The following GRM3 variants were observed in gnomAD, a reference collection of about 807,000 sequenced individuals.
The protein encoded by GRM3 is glutamate metabotropic receptor 3, also known as metabotropic glutamate receptor 3.
GRM3 carries 26 observed loss-of-function variants against 70.5 expected under a neutral mutation model. That is an observed-to-expected ratio of 0.37 (90% CI 0.27 to 0.51). The LOEUF is 0.51. Ranked by LOEUF, GRM3 falls within the 20% of genes least tolerant of loss-of-function variation. The pLI, the probability that GRM3 is intolerant of heterozygous loss-of-function variation, is 0.93. For synonymous variants in GRM3, 443 were observed against 434.9 expected (o/e 1.02, Z -0.23); for missense variants, 859 against 1,123.8 (o/e 0.76, Z 3.37).
At chr7:86,681,879 G>T (rs1794449919) in intron 1 of GRM3, among the ~76,000 whole-genome samples, 2 of 152,278 alleles carry the variant, frequency 1.3e-5, no homozygotes, top group Admixed American at 1.3e-4. Context: ...GAGAAAAAAA[G>T]TTCTTGTGAT....
At chr7:86,826,045 T>C (rs1323104584) in intron 3 of GRM3, among the ~76,000 whole-genome samples, 1 of 150,704 alleles carries the variant, frequency 6.6e-6, no homozygotes, top group Non-Finnish European at 1.5e-5. Context: ...TAGCCAACTT[T>C]GTTTGGGGAA....
intron 1 of GRM3, among the ~76,000 whole-genome samples, chr7:86,714,804 G>A (rs556651588): frequency 6.6e-6 from 1 of 152,058 alleles, no homozygotes; most frequent in South Asian, 2.1e-4. Flanking sequence ...ATTTATGAGT[G>A]ACAACCTTGT....
chr7:86,831,072 G>A (rs1000011289), intron 3 of GRM3, among the ~76,000 whole-genome samples: 3 of 152,124 alleles, frequency 2.0e-5, no homozygotes, highest in Admixed American at 2.0e-4. Context: ...TTGATTTCAG[G>A]CAGACCATGA....
chr7:86,670,309 T>A (rs1193416993), intron 1 of GRM3, among the ~76,000 whole-genome samples: 1 of 152,226 alleles, frequency 6.6e-6, no homozygotes, highest in Non-Finnish European at 1.5e-5. Flanking sequence ...GTCAGGAATC[T>A]TTCCTACTCA....
chr7:86,776,638 G>T (rs1389036938), intron 2 of GRM3, among the ~76,000 whole-genome samples: 6 of 152,036 alleles, frequency 3.9e-5, no homozygotes, highest in African/African-American at 1.4e-4. Flanking sequence ...TTATTGATAA[G>T]GCCATATTTC....
intron 1 of GRM3, among the ~76,000 whole-genome samples, chr7:86,707,034 T>C (rs946074832): frequency 2.0e-5 from 3 of 152,108 alleles, no homozygotes; most frequent in African/African-American, 7.2e-5. Context: ...CCTAGAATAC[T>C]AAATTAGACC....
At chr7:86,753,023 A>T in intron 1 of GRM3, among the ~76,000 whole-genome samples, 1 of 152,148 alleles carries the variant, frequency 6.6e-6, no homozygotes, top group Non-Finnish European at 1.5e-5. Flanking sequence ...GCACCCATAA[A>T]CACTAAACAA....
chr7:86,787,207 T>C (rs1797274924), intron 3 of GRM3, 91 bp downstream of exon 3: 2 of 1,082,158 alleles, frequency 1.8e-6, no homozygotes, highest in Non-Finnish European at 2.7e-6. Flanking sequence ...CAGAAATAAT[T>C]ATTTCAAAGC....
At chr7:86,781,373 C>T (rs10487052) in intron 2 of GRM3, among the ~76,000 whole-genome samples, 39,002 of 152,008 alleles carry the variant, frequency 0.26, 5,076 homozygotes, top group Middle Eastern at 0.31. Flanking sequence ...CTTAATAATC[C>T]GTCTTTGACT....
chr7:86,771,382 T>A (rs145279083), intron 2 of GRM3, among the ~76,000 whole-genome samples: 27 of 152,246 alleles, frequency 1.8e-4, no homozygotes, highest in African/African-American at 6.3e-4. Context: ...AGTAGTCCAG[T>A]CAATTGTTAT....
chr7:86,836,331 G>A (rs1381427169), intron 3 of GRM3, among the ~76,000 whole-genome samples: 1 of 151,734 alleles, frequency 6.6e-6, no homozygotes, highest in Non-Finnish European at 1.5e-5. Flanking sequence ...GTTTATAAAG[G>A]GAAAACCTTA....
chr7:86,687,356 A>G lies in GRM3; in HGVS notation c.-141+42484A>G, dbSNP rs567996842. 1.7e-4 allele frequency among the ~76,000 whole-genome samples: 26 copies of G among 152,150 alleles called. No individual in the cohort carries two copies. In the East Asian group the frequency reaches 5.0e-3, roughly 29 times the overall value. On this transcript the variant is annotated intron_variant, in intron 1 of 5. Transcript: ENST00000361669. ...AAAACAAAGCAAAGAGCATTTAAAA[A>G]GTGCCTGGGGTGTAGCCAGGGTACA...
chr7:86,751,932 A>G (rs1796241221), intron 1 of GRM3, among the ~76,000 whole-genome samples: 1 of 152,112 alleles, frequency 6.6e-6, no homozygotes, highest in Non-Finnish European at 1.5e-5. Context: ...CCTATTTGTT[A>G]TATACTGTCA....
intron 1 of GRM3, among the ~76,000 whole-genome samples, chr7:86,647,814 G>GTA (rs1793511692): frequency 6.6e-6 from 1 of 152,124 alleles, no homozygotes; most frequent in Admixed American, 6.6e-5. Flanking sequence ...TTCTAATGTA[G>GTA]GCTTGGTCCC....
intron 5 of GRM3, among the ~76,000 whole-genome samples, chr7:86,852,723 T>G (rs1051951898): frequency 6.6e-6 from 1 of 152,190 alleles, no homozygotes; most frequent in Non-Finnish European, 1.5e-5. Context: ...TCTCTTGGCA[T>G]TTTAACGTGC....
At chr7:86,721,802 G>T (rs564865759) in intron 1 of GRM3, among the ~76,000 whole-genome samples, 1 of 152,232 alleles carries the variant, frequency 6.6e-6, no homozygotes, top group South Asian at 2.1e-4. Flanking sequence ...GGCTGAGACA[G>T]CATTGGGAGG....
intron 1 of GRM3, among the ~76,000 whole-genome samples, chr7:86,726,057 T>A (rs930509655): frequency 2.0e-5 from 3 of 152,136 alleles, no homozygotes; most frequent in East Asian, 1.9e-4. Context: ...GACCATAGCA[T>A]CTATCAGATA....
intron 1 of GRM3, among the ~76,000 whole-genome samples, chr7:86,717,590 A>G (rs1795348228): frequency 6.6e-6 from 1 of 151,966 alleles, no homozygotes. Flanking sequence ...AAACAATAAA[A>G]AAGTATCAAA....
At chr7:86,743,416 G>C (rs997796028) in intron 1 of GRM3, among the ~76,000 whole-genome samples, 1 of 152,066 alleles carries the variant, frequency 6.6e-6, no homozygotes, top group Non-Finnish European at 1.5e-5. Flanking sequence ...CCTCAATAAA[G>C]TGGGAAAAAT....
Sources: gnomAD v4.1 joint callset for allele counts (sites outside exome capture counted in the v4.1 genomes callset) on GRCh38, gnomAD v4.1.1 for gene constraint, MANE v1.5 for transcripts, NCBI Gene and HGNC (gene_info 2026-07-23, HGNC 2026-07-21) for gene names.